The following CAST variants were observed in gnomAD, a reference collection of about 807,000 sequenced individuals.
The protein encoded by CAST is MIR583 host.
Under a neutral mutation model 119.6 loss-of-function variants are expected in CAST, and 76 were observed. The ratio of observed to expected loss-of-function variants is 0.64; its 90% confidence interval spans 0.53 to 0.77. The LOEUF (loss-of-function observed/expected upper bound fraction) is 0.77. Among genes scored for constraint, CAST ranks in the 30% least tolerant of loss-of-function variants. CAST has a pLI of 0.00. For missense variants in CAST, 953 were observed against 946.5 expected (o/e 1.01, Z -0.09); for synonymous variants, 319 against 331.6 (o/e 0.96, Z 0.41).
At chr5:96,454,441 G>A in the CAST span, among the ~76,000 whole-genome samples, 4 of 152,124 alleles carry the variant, frequency 2.6e-5, no homozygotes, top group Admixed American at 6.5e-5. Flanking sequence ...ACTGGCAACC[G>A]TCCCAGCCCT....
chr5:96,109,480 C>G, the CAST span, among the ~76,000 whole-genome samples: 2 of 152,098 alleles, frequency 1.3e-5, no homozygotes, highest in South Asian at 2.1e-4. Flanking sequence ...CTTTGAGACT[C>G]GAAGATAAAT....
At chr5:96,068,825 A>G in the CAST span, among the ~76,000 whole-genome samples, 1 of 151,364 alleles carries the variant, frequency 6.6e-6, no homozygotes, top group Non-Finnish European at 1.5e-5. Flanking sequence ...ATATATACAC[A>G]CACACATATG....
the CAST span, among the ~76,000 whole-genome samples, chr5:96,331,936 G>A: frequency 6.6e-6 from 1 of 152,218 alleles, no homozygotes; most frequent in Non-Finnish European, 1.5e-5. Flanking sequence ...TTATCACACA[G>A]TCAACATGTC....
chr5:96,715,649 G>GT (rs1757066078), intron 3 of CAST, among the ~76,000 whole-genome samples: 1 of 152,140 alleles, frequency 6.6e-6, no homozygotes, highest in South Asian at 2.1e-4. Context: ...GATTCTATAA[G>GT]TCCCCACCTC....
At chr5:96,100,057 G>A in the CAST span, among the ~76,000 whole-genome samples, 1 of 152,180 alleles carries the variant, frequency 6.6e-6, no homozygotes, top group Non-Finnish European at 1.5e-5. Flanking sequence ...TCAGTGTTGG[G>A]ATGGTGCTCA....
intron 11 of CAST, among the ~76,000 whole-genome samples, chr5:96,739,237 C>T (rs1050588180): frequency 3.9e-5 from 6 of 152,154 alleles, no homozygotes; most frequent in Admixed American, 1.3e-4. Context: ...ATGAACATTC[C>T]CTTCAACCAG....
At chr5:96,380,361 A>C in the CAST span, among the ~76,000 whole-genome samples, 3 of 152,204 alleles carry the variant, frequency 2.0e-5, no homozygotes, top group Non-Finnish European at 2.9e-5. Flanking sequence ...TATGCCTTTT[A>C]AGTTGGGTGA....
the CAST span, among the ~76,000 whole-genome samples, chr5:96,314,715 C>G: frequency 2.2e-4 from 34 of 152,146 alleles, no homozygotes; most frequent in African/African-American, 5.1e-4. Context: ...CCTGCTGAAC[C>G]CTTTTCTTGT....
the CAST span, among the ~76,000 whole-genome samples, chr5:95,980,943 C>A: frequency 6.6e-5 from 10 of 152,308 alleles, no homozygotes; most frequent in East Asian, 1.9e-3. Context: ...TGCTGCCAGT[C>A]TGAGACAGGA....
rs763130113 is a variant in CAST at position 96,742,706 on chromosome 5, C to T, written c.1150C>T (p.Arg384Trp). Reference protein sequence around the residue: ...LEALSASLGTRQAEPELDLRS... With the variant: ...LEALSASLGTWQAEPELDLRS... ...GGCTCTGTCGGCTTCACTGGGCACC[C>T]GGCAAGCAGAACCTGAGCTCGACCT... Residue 384 changes from arginine (R) to tryptophan (W), a missense_variant, in exon 16 of 32, where the codon CGG becomes TGG. By Grantham distance (101) the Arg-to-Trp change is moderately radical (BLOSUM62 -3). Transcript: ENST00000675179. The T allele has an allele frequency of 8.1e-6, 13 of 1,613,908 alleles. No homozygotes were observed. The highest frequency in any genetic ancestry group is 4.5e-5 in the East Asian group (2 of 44,902).
intron 1 of CAST, among the ~76,000 whole-genome samples, chr5:96,626,650 ACCACTTT>A (rs1430732084): frequency 1.3e-5 from 2 of 152,078 alleles, no homozygotes; most frequent in African/African-American, 2.4e-5. Flanking sequence ...AGTCTCCCTA[ACCACTTT>A]CCACAAAGCC....
chr5:96,168,560 T>A, the CAST span, among the ~76,000 whole-genome samples: 4 of 152,136 alleles, frequency 2.6e-5, no homozygotes, highest in African/African-American at 2.4e-5. Flanking sequence ...GTAGCCTCAA[T>A]GATAGATGTG....
the CAST span, among the ~76,000 whole-genome samples, chr5:96,347,870 C>T: frequency 6.6e-6 from 1 of 152,150 alleles, no homozygotes; most frequent in Admixed American, 6.5e-5. Flanking sequence ...ACTATGAAGC[C>T]ATCAGGGTGG....
chr5:96,144,790 C>G, the CAST span, among the ~76,000 whole-genome samples: 1 of 152,046 alleles, frequency 6.6e-6, no homozygotes, highest in East Asian at 1.9e-4. Context: ...GATTATCCTG[C>G]CTCAGCCTCC....
chr5:96,212,794 T>C, the CAST span, among the ~76,000 whole-genome samples: 50 of 152,280 alleles, frequency 3.3e-4, 1 homozygote, highest in South Asian at 0.01. Context: ...ACGACTTCTA[T>C]GTTCTCTTGG....
chr5:96,382,402 TG>T, the CAST span, among the ~76,000 whole-genome samples: 1 of 152,316 alleles, frequency 6.6e-6, no homozygotes, highest in East Asian at 1.9e-4. Flanking sequence ...AAACCATCCA[TG>T]TACTGGGCTC....
At chr5:96,428,300 C>T in the CAST span, among the ~76,000 whole-genome samples, 1 of 152,138 alleles carries the variant, frequency 6.6e-6, no homozygotes, top group Admixed American at 6.5e-5. Context: ...TTTTAATCCT[C>T]TCACCAAGAG....
chr5:96,111,873 C>A, the CAST span, among the ~76,000 whole-genome samples: 3 of 152,002 alleles, frequency 2.0e-5, no homozygotes, highest in Non-Finnish European at 2.9e-5. Flanking sequence ...TCTCAAACTC[C>A]TGACCTCAAG....
At chr5:96,565,641 C>CAG (rs1746452606) in intron 1 of CAST, among the ~76,000 whole-genome samples, 1 of 152,140 alleles carries the variant, frequency 6.6e-6, no homozygotes, top group African/African-American at 2.4e-5. Flanking sequence ...GCATTTAAAT[C>CAG]AGTGGTCCCC....
Sources: gnomAD v4.1 joint callset for allele counts (sites outside exome capture counted in the v4.1 genomes callset) on GRCh38, gnomAD v4.1.1 for gene constraint, MANE v1.5 for transcripts, NCBI Gene and HGNC (gene_info 2026-07-23, HGNC 2026-07-21) for gene names.